OSBPL10: variants seen among roughly 807,000 people sequenced by gnomAD.
OSBPL10 encodes the protein oxysterol-binding protein-related protein 10.
OSBPL10 carries 49 observed loss-of-function variants against 81.7 expected under a neutral mutation model. The observed-to-expected ratio is 0.60, with a 90% CI of 0.48 to 0.76. The LOEUF is 0.76. Among genes scored for constraint, OSBPL10 ranks in the 30% least tolerant of loss-of-function variants. The probability of loss-of-function intolerance (pLI) is 0.00; values close to 1 mark genes in which losing one functional copy is unlikely to be tolerated. For synonymous variants in OSBPL10, 419 were observed against 383.6 expected (o/e 1.09, Z -1.08); for missense variants, 923 against 987.8 (o/e 0.93, Z 0.88).
At chr3:31,965,758 A>C (rs1237693079) in intron 1 of OSBPL10, among the ~76,000 whole-genome samples, 5 of 53,190 alleles carry the variant, frequency 9.4e-5, no homozygotes, top group Non-Finnish European at 1.6e-4. Context: ...TATATATTAT[A>C]TTAAAAGATA....
At chr3:31,983,244 G>A (rs1218105136), upstream of OSBPL10, among the ~76,000 whole-genome samples, 1 of 152,210 alleles carries the variant, frequency 6.6e-6, no homozygotes, top group African/African-American at 2.4e-5. Flanking sequence ...AGGTGGGAAG[G>A]TAGGTGCATA....
intron 4 of OSBPL10, among the ~76,000 whole-genome samples, chr3:31,799,846 C>G (rs187249849): frequency 4.8e-4 from 73 of 152,194 alleles, no homozygotes; most frequent in Admixed American, 4.4e-3. Flanking sequence ...TGAGCTGGGA[C>G]TACAGGCGCC....
At chr3:31,999,486 G>A (rs1699124431) in intron 2 of OSBPL10, among the ~76,000 whole-genome samples, 1 of 150,128 alleles carries the variant, frequency 6.7e-6, no homozygotes, top group Non-Finnish European at 1.5e-5. Flanking sequence ...TCAGCCTCCT[G>A]AGTAGCTGAG....
chr3:31,688,592 C>G (rs1200954896), intron 7 of OSBPL10, among the ~76,000 whole-genome samples: 1 of 152,140 alleles, frequency 6.6e-6, no homozygotes, highest in African/African-American at 2.4e-5. Context: ...AACAGATGAA[C>G]TGCATGAGAG....
At chr3:31,850,390 A>T (rs1575582430) in intron 3 of OSBPL10, among the ~76,000 whole-genome samples, 1 of 152,214 alleles carries the variant, frequency 6.6e-6, no homozygotes, top group East Asian at 1.9e-4. Flanking sequence ...ATACAAACAA[A>T]AAACAAAAAC....
chr3:31,930,003 C>CAAACAAACAAA (rs1306473764), intron 1 of OSBPL10, among the ~76,000 whole-genome samples: 1 of 72,574 alleles, frequency 1.4e-5, no homozygotes, highest in Non-Finnish European at 2.6e-5. Flanking sequence ...TGTCACCAAC[C>CAAACAAACAAA]AAAAAAAAAA....
intron 3 of OSBPL10, among the ~76,000 whole-genome samples, chr3:31,858,751 G>A (rs1018974686): frequency 6.6e-6 from 1 of 152,154 alleles, no homozygotes; most frequent in East Asian, 1.9e-4. Flanking sequence ...TGTGAACAAG[G>A]CCAGCCTGGC....
intron 2 of OSBPL10, among the ~76,000 whole-genome samples, chr3:32,037,050 A>G (rs1699526807): frequency 6.6e-6 from 1 of 152,150 alleles, no homozygotes; most frequent in Non-Finnish European, 1.5e-5. Context: ...TTCAGTGACA[A>G]TTACTAGGAC....
At chr3:31,915,790 A>G (rs1235763625) in intron 1 of OSBPL10, among the ~76,000 whole-genome samples, 3 of 152,074 alleles carry the variant, frequency 2.0e-5, no homozygotes, top group Non-Finnish European at 4.4e-5. Context: ...CCAACCACGC[A>G]ACACCCTTTA....
At chr3:31,984,870 G>A (rs1698911846), upstream of OSBPL10, among the ~76,000 whole-genome samples, 1 of 152,216 alleles carries the variant, frequency 6.6e-6, no homozygotes, top group African/African-American at 2.4e-5. Context: ...TTACAGGTTA[G>A]AAGCAAGATG....
At chr3:31,983,663 C>A (rs1354603939), upstream of OSBPL10, among the ~76,000 whole-genome samples, 1 of 152,178 alleles carries the variant, frequency 6.6e-6, no homozygotes, top group Admixed American at 6.5e-5. Context: ...TCCCTGCTCT[C>A]TTCACCCGGT....
chr3:31,681,596 C>T (rs1413356324), intron 8 of OSBPL10, among the ~76,000 whole-genome samples: 2 of 152,250 alleles, frequency 1.3e-5, no homozygotes, highest in East Asian at 3.9e-4. Context: ...ACTGGAGTAA[C>T]CAGCATCATG....
rs556058689 is a variant in OSBPL10 at position 31,911,764 on chromosome 3, G to A, written c.282-31934C>T. Among the ~76,000 whole-genome samples, 207 of 152,262 alleles carry A rather than the reference G, an allele frequency of 1.4e-3. 2 individuals carry two copies. The highest frequency in any genetic ancestry group is 4.8e-3 in the African/African-American group (199 of 41,556). On this transcript the variant is annotated intron_variant, in intron 1 of 11. Transcript: ENST00000396556. ...CTACAACTTTCTTTCACCTCCTTTC[G>A]GAAGGAAAGTGGCCTCAAGCAGGGA...
At chr3:31,672,277 A>G (rs1226570389) in intron 8 of OSBPL10, among the ~76,000 whole-genome samples, 2 of 148,536 alleles carry the variant, frequency 1.3e-5, no homozygotes, top group Non-Finnish European at 3.0e-5. Context: ...AACTTTTAAG[A>G]GAGGTTAAGT....
chr3:31,715,198 TAATTAA>T (rs1462259102), intron 6 of OSBPL10, among the ~76,000 whole-genome samples: 2 of 152,312 alleles, frequency 1.3e-5, no homozygotes, highest in South Asian at 2.1e-4. Flanking sequence ...CTATTTAAAA[TAATTAA>T]AATTAAACAC....
intron 5 of OSBPL10, among the ~76,000 whole-genome samples, chr3:31,746,466 G>A (rs954866413): frequency 2.6e-5 from 4 of 151,980 alleles, no homozygotes; most frequent in African/African-American, 9.7e-5. Context: ...ATCACCTGAG[G>A]TTGGGAGTTC....
At chr3:32,007,296 T>C (rs1375983103) in intron 2 of OSBPL10, among the ~76,000 whole-genome samples, 1 of 152,222 alleles carries the variant, frequency 6.6e-6, no homozygotes, top group African/African-American at 2.4e-5. Flanking sequence ...ACATCCTAAA[T>C]GTTCATCAGT....
chr3:31,941,393 T>C (rs1381371282), intron 1 of OSBPL10, among the ~76,000 whole-genome samples: 3 of 152,338 alleles, frequency 2.0e-5, no homozygotes, highest in African/African-American at 7.2e-5. Context: ...GACTCTTTGA[T>C]GGATACGAAA....
intron 4 of OSBPL10, chr3:31,794,675 A>G: frequency 3.3e-6 from 1 of 301,854 alleles, no homozygotes; most frequent in Admixed American, 3.7e-5. Context: ...CCATATAAGC[A>G]GAGCATTTCT....
Sources: allele counts gnomAD v4.1 joint callset (sites outside exome capture counted in the v4.1 genomes callset), GRCh38; gene constraint gnomAD v4.1.1; transcripts MANE v1.5; gene names NCBI Gene and HGNC (gene_info 2026-07-23, HGNC 2026-07-21).